Variants in CAMKMT observed in about 807,000 individuals in gnomAD.
CAMKMT encodes calmodulin-lysine N-methyltransferase.
A neutral mutation model predicts 48.0 loss-of-function variants in CAMKMT; 53 were observed. The observed-to-expected ratio is 1.10, with a 90% CI of 0.89 to 1.39. The LOEUF is 1.39. Among genes scored for constraint, CAMKMT ranks in the 40% most tolerant of loss-of-function variants. CAMKMT has a pLI of 0.00. For missense variants in CAMKMT, 428 were observed against 402.7 expected (o/e 1.06, Z -0.54); for synonymous variants, 165 against 152.3 (o/e 1.08, Z -0.61).
At chr2:44,372,579 G>T (rs1679287727) in intron 1 of CAMKMT, 137 bp from the exon 2 acceptor site, 1 of 628,174 alleles carries the variant, frequency 1.6e-6, no homozygotes, top group Admixed American at 3.3e-5. Context: ...ATCTTCAGTA[G>T]GAGATATATC....
At chr2:44,364,272 C>G (rs919119067) in intron 1 of CAMKMT, among the ~76,000 whole-genome samples, 2 of 152,086 alleles carry the variant, frequency 1.3e-5, no homozygotes, top group Non-Finnish European at 2.9e-5. Context: ...GTTCTGACAT[C>G]GAAACTTTTG....
At chr2:44,397,069 A>G (rs1172259535) in intron 3 of CAMKMT, among the ~76,000 whole-genome samples, 2 of 152,040 alleles carry the variant, frequency 1.3e-5, no homozygotes, top group Non-Finnish European at 1.5e-5. Context: ...AAAAAAAAAA[A>G]AAAAAAGAAA....
chr2:44,444,067 AG>A (rs1339001483), intron 3 of CAMKMT, among the ~76,000 whole-genome samples: 4 of 152,340 alleles, frequency 2.6e-5, no homozygotes, highest in South Asian at 4.1e-4. Flanking sequence ...TACGGCCTGA[AG>A]GAAAAGTAAG....
chr2:44,663,574 C>G (rs1184331697), intron 3 of CAMKMT, among the ~76,000 whole-genome samples: 1 of 152,226 alleles, frequency 6.6e-6, no homozygotes, highest in Non-Finnish European at 1.5e-5. Context: ...GCTTTGCATT[C>G]AGTGAGCCTT....
intron 3 of CAMKMT, among the ~76,000 whole-genome samples, chr2:44,458,524 T>C (rs935335850): frequency 1.3e-5 from 2 of 152,226 alleles, no homozygotes; most frequent in African/African-American, 4.8e-5. Flanking sequence ...ATTCTGCCAG[T>C]ACATTTAAGA....
chr2:44,499,533 T>G (rs1251746258), intron 3 of CAMKMT, among the ~76,000 whole-genome samples: 1 of 152,250 alleles, frequency 6.6e-6, no homozygotes, highest in South Asian at 2.1e-4. Context: ...CTTTATAATT[T>G]TATTGTATGT....
chr2:44,601,264 C>G (rs1158944059), intron 3 of CAMKMT, among the ~76,000 whole-genome samples: 6 of 152,036 alleles, frequency 3.9e-5, no homozygotes. Flanking sequence ...TGAGACCAGC[C>G]TGACCAACAT....
intron 3 of CAMKMT, among the ~76,000 whole-genome samples, chr2:44,421,155 A>G (rs1293357967): frequency 6.6e-6 from 1 of 152,170 alleles, no homozygotes; most frequent in Non-Finnish European, 1.5e-5. Context: ...GAAAAAAATC[A>G]TTAAGAGACT....
intron 2 of CAMKMT, among the ~76,000 whole-genome samples, chr2:44,386,421 G>C (rs1354138555): frequency 6.6e-6 from 1 of 151,910 alleles, no homozygotes; most frequent in Non-Finnish European, 1.5e-5. Context: ...GGTTAATCTT[G>C]CTAATGGTCT....
rs542564651 is a variant in CAMKMT, at chr2:44,390,441, C to T, written c.376+136C>T. 9 of 517,366 alleles carry T rather than the reference C, an allele frequency of 1.7e-5. No individual in the cohort carries two copies. In the East Asian group the frequency reaches 3.2e-4, roughly 18 times the overall value. 32.0% of individuals were successfully genotyped at this position (517,366 alleles called of 1,614,324 possible). A position where few individuals can be genotyped will look rare whatever the true frequency, so the allele number is the denominator to read the frequency against. ...TATGTATATATAATAGAAAGTTTGA[C>T]TGTCTTTAGCTGCAAAATAAGCCTT... On this transcript the variant is annotated intron_variant, in intron 3 of 10. Coordinates refer to ENST00000378494, the MANE Select transcript of CAMKMT (RefSeq NM_024766.5).
intron 3 of CAMKMT, among the ~76,000 whole-genome samples, chr2:44,474,715 C>CA (rs1296153934): frequency 6.6e-6 from 1 of 152,176 alleles, no homozygotes; most frequent in Non-Finnish European, 1.5e-5. Context: ...TGACCTTCCT[C>CA]ACTATGCCAG....
intron 3 of CAMKMT, among the ~76,000 whole-genome samples, chr2:44,658,713 TCTCCTCACCA>T (rs749133127): frequency 3.2e-4 from 48 of 152,184 alleles, no homozygotes; most frequent in South Asian, 1.2e-3. Flanking sequence ...TTGCATTTAT[TCTCCTCACCA>T]CTCTTAATGA....
intron 8 of CAMKMT, among the ~76,000 whole-genome samples, chr2:44,751,996 G>C (rs1680172612): frequency 6.6e-6 from 1 of 152,052 alleles, no homozygotes; most frequent in Non-Finnish European, 1.5e-5. Context: ...CAAGGATGAA[G>C]GATCCGCCCC....
chr2:44,619,708 T>C (rs1042250598), intron 3 of CAMKMT, among the ~76,000 whole-genome samples: 2 of 152,216 alleles, frequency 1.3e-5, no homozygotes, highest in East Asian at 3.8e-4. Context: ...CAACCTACAG[T>C]GGTTACGTCC....
chr2:44,507,764 G>A (rs890139480), intron 3 of CAMKMT, among the ~76,000 whole-genome samples: 68 of 152,170 alleles, frequency 4.5e-4, no homozygotes, highest in Admixed American at 4.4e-3. Context: ...ACTGAGAGGA[G>A]TTTAGCAGCT....
intron 6 of CAMKMT, 49 bp downstream of exon 6, chr2:44,707,511 C>T: frequency 1.3e-6 from 2 of 1,498,966 alleles, no homozygotes; most frequent in Non-Finnish European, 1.8e-6. Context: ...ATTCCTTTTT[C>T]CTGGCTGAGT....
intron 3 of CAMKMT, among the ~76,000 whole-genome samples, chr2:44,644,406 G>T (rs1475171516): frequency 6.6e-6 from 1 of 152,118 alleles, no homozygotes; most frequent in Admixed American, 6.5e-5. Context: ...TAACAACTTG[G>T]CTTGTGTGTT....
At chr2:44,555,396 T>C (rs1184186218) in intron 3 of CAMKMT, among the ~76,000 whole-genome samples, 2 of 152,084 alleles carry the variant, frequency 1.3e-5, no homozygotes, top group Non-Finnish European at 2.9e-5. Context: ...TTCTGGCTTG[T>C]TTGACATATT....
In CAMKMT at chr2:44,361,987, G is replaced by T; in HGVS notation, c.-21G>T. 1.5e-6 allele frequency: 2 copies of T among 1,376,676 alleles called. No individual in the cohort carries two copies. Among genetic ancestry groups the T allele is most frequent in the Non-Finnish European group, 9.4e-7 (1 of 1,069,174 alleles). 85.3% of individuals were successfully genotyped at this position (1,376,676 alleles called of 1,614,324 possible). On this transcript the variant is annotated 5_prime_UTR_variant, in exon 1 of 11. Coordinates refer to ENST00000378494, the MANE Select transcript of CAMKMT (RefSeq NM_024766.5). ...ACGAGCTGCGGCGGTGGCACCTCCG[G>T]GTGTGGAAGGCTCCAGTGAGATGGA... is the stretch of plus-strand genomic sequence containing the variant.
Sources: gnomAD v4.1 joint callset for allele counts (sites outside exome capture counted in the v4.1 genomes callset) on GRCh38, gnomAD v4.1.1 for gene constraint, MANE v1.5 for transcripts, NCBI Gene and HGNC (gene_info 2026-07-23, HGNC 2026-07-21) for gene names.